The following SNX24 variants were observed in gnomAD, a reference collection of about 807,000 sequenced individuals.
The protein encoded by SNX24 is sorting nexin-24.
SNX24 carries 22 observed loss-of-function variants against 28.7 expected under a neutral mutation model. The observed-to-expected ratio is 0.77, with a 90% CI of 0.55 to 1.10. The LOEUF (loss-of-function observed/expected upper bound fraction) is 1.10. SNX24 is among the 50% of genes least tolerant of loss of function. The pLI is 0.00. For missense variants in SNX24, 221 were observed against 201.1 expected (o/e 1.10, Z -0.60); for synonymous variants, 69 against 71.5 (o/e 0.96, Z 0.18).
intron 1 of SNX24, among the ~76,000 whole-genome samples, chr5:122,915,728 C>G (rs1277667111): frequency 2.6e-5 from 4 of 152,212 alleles, no homozygotes; most frequent in Admixed American, 2.0e-4. Flanking sequence ...AAAAGCTGGT[C>G]TTTAGTGTGG....
chr5:122,995,832 G>C (rs1762034153), intron 3 of SNX24, among the ~76,000 whole-genome samples: 1 of 152,064 alleles, frequency 6.6e-6, no homozygotes, highest in Non-Finnish European at 1.5e-5. Context: ...AGAGTCACTG[G>C]GTAATTAAGT....
At chr5:122,924,263 A>C (rs894725631) in intron 1 of SNX24, among the ~76,000 whole-genome samples, 6 of 152,234 alleles carry the variant, frequency 3.9e-5, no homozygotes, top group Admixed American at 3.9e-4. Context: ...ATAAAATAAA[A>C]AATTATAGCA....
rs1219326928 is a variant in SNX24 at position 122,938,661 on chromosome 5, C to CTAAGAAGGGTTGAAATGGGT, written c.144+1844_144+1845insTAAGAAGGGTTGAAATGGGT. Among the ~76,000 whole-genome samples, 123 of 19,868 alleles carry CTAAGAAGGGTTGAAATGGGT rather than the reference C, an allele frequency of 6.2e-3. 4 individuals are homozygous for CTAAGAAGGGTTGAAATGGGT. Among genetic ancestry groups the CTAAGAAGGGTTGAAATGGGT allele is most frequent in the South Asian group, 0.013 (5 of 380 alleles). 13.0% of individuals were successfully genotyped at this position (19,868 alleles called of 152,430 possible). A position where few individuals can be genotyped will look rare whatever the true frequency, so the allele number is the denominator to read the frequency against. On this transcript the variant is annotated intron_variant, in intron 2 of 6. Coordinates refer to ENST00000261369, the MANE Select transcript of SNX24 (RefSeq NM_014035.4). ...AGGTAACTTTAAAAGGCAATGAAGG[C>CTAAGAAGGGTTGAAATGGGT]CGGGCGCGGTGGCTCACGCCTGTAA...
At chr5:122,865,829 A>G (rs571456300) in intron 1 of SNX24, among the ~76,000 whole-genome samples, 1 of 152,252 alleles carries the variant, frequency 6.6e-6, no homozygotes, top group African/African-American at 2.4e-5. Context: ...TCATAATTCT[A>G]CCTCACATGA....
At chr5:122,935,364 A>G (rs1285023866) in intron 1 of SNX24, among the ~76,000 whole-genome samples, 1 of 152,140 alleles carries the variant, frequency 6.6e-6, no homozygotes, top group East Asian at 1.9e-4. Flanking sequence ...ATTAATAAAC[A>G]GATTTTTTTT....
intron 1 of SNX24, among the ~76,000 whole-genome samples, chr5:122,850,001 G>T (rs1754821461): frequency 6.6e-6 from 1 of 152,156 alleles, no homozygotes. Context: ...GAATAGTGGG[G>T]AGAGATCAGC....
chr5:122,971,346 A>G (rs1295604744), intron 3 of SNX24, among the ~76,000 whole-genome samples: 1 of 152,092 alleles, frequency 6.6e-6, no homozygotes. Flanking sequence ...CTCCCAGTCC[A>G]CTGACTCAAA....
chr5:123,015,526 C>A (rs554754202), intron 5 of SNX24, among the ~76,000 whole-genome samples: 1 of 152,228 alleles, frequency 6.6e-6, no homozygotes, highest in East Asian at 1.9e-4. Flanking sequence ...TCGTGACACC[C>A]CAGGACAGTG....
chr5:123,018,030 C>T (rs57182281), intron 5 of SNX24, among the ~76,000 whole-genome samples: 53,062 of 151,544 alleles, frequency 0.35, 9,958 homozygotes, highest in African/African-American at 0.46. Flanking sequence ...TAGAGAGGAG[C>T]TTCCAGTCCA....
chr5:122,901,233 A>G (rs1266808897), intron 1 of SNX24, among the ~76,000 whole-genome samples: 3 of 151,450 alleles, frequency 2.0e-5, no homozygotes, highest in African/African-American at 4.8e-5. Flanking sequence ...TATTGCTCAT[A>G]TTTATGATGA....
intron 1 of SNX24, among the ~76,000 whole-genome samples, chr5:122,870,374 C>T (rs1755918300): frequency 6.6e-6 from 1 of 152,210 alleles, no homozygotes; most frequent in Admixed American, 6.5e-5. Flanking sequence ...AACAGAGCTG[C>T]TCTCCAGAAC....
At chr5:122,862,094 A>G (rs552211592) in intron 1 of SNX24, among the ~76,000 whole-genome samples, 3 of 152,308 alleles carry the variant, frequency 2.0e-5, no homozygotes, top group African/African-American at 7.2e-5. Context: ...AGGGAGGGAA[A>G]TCATTTTAGG....
chr5:122,891,216 G>A lies in SNX24; in HGVS notation c.61-45518G>A, dbSNP rs187182453. On this transcript the variant is annotated intron_variant, in intron 1 of 6. Transcript: ENST00000261369. ...TTATTTTTCTGGTTGAAATGGTTTA[G>A]GAATGTTGACTTTAAAGTGCCTATT... is the stretch of plus-strand genomic sequence containing the variant. 94 of 1,278,112 alleles carry A rather than the reference G, an allele frequency of 7.4e-5. No individual in the cohort carries two copies. In the African/African-American group the frequency reaches 1.3e-3, roughly 18 times the overall value. 79.2% of individuals were successfully genotyped at this position (1,278,112 alleles called of 1,614,324 possible). A position where few individuals can be genotyped will look rare whatever the true frequency, so the allele number is the denominator to read the frequency against.
At chr5:123,017,222 T>C (rs1052147849) in intron 5 of SNX24, among the ~76,000 whole-genome samples, 1 of 152,000 alleles carries the variant, frequency 6.6e-6, no homozygotes, top group Non-Finnish European at 1.5e-5. Flanking sequence ...GATTCGAATT[T>C]AATGGTTTGC....
intron 3 of SNX24, among the ~76,000 whole-genome samples, chr5:122,963,979 A>G (rs1760598128): frequency 1.3e-5 from 2 of 152,178 alleles, no homozygotes; most frequent in Non-Finnish European, 2.9e-5. Flanking sequence ...GCGATGGCTC[A>G]TGCCTGTAAT....
At chr5:122,919,989 G>A (rs1395031812) in intron 1 of SNX24, among the ~76,000 whole-genome samples, 1 of 152,184 alleles carries the variant, frequency 6.6e-6, no homozygotes, top group Non-Finnish European at 1.5e-5. Context: ...CTGAGAATGA[G>A]GGCAGGTGTT....
intron 6 of SNX24, among the ~76,000 whole-genome samples, chr5:123,004,303 A>G (rs1762347320): frequency 1.3e-5 from 2 of 152,134 alleles, no homozygotes; most frequent in Admixed American, 1.3e-4. Context: ...TTCCTGGGAA[A>G]CTCAAAACAA....
At chr5:122,926,972 CCCTA>C (rs1422748922) in intron 1 of SNX24, among the ~76,000 whole-genome samples, 2 of 152,200 alleles carry the variant, frequency 1.3e-5, no homozygotes, top group Non-Finnish European at 2.9e-5. Flanking sequence ...TGATCATTTT[CCCTA>C]CCTATCAACA....
chr5:122,987,978 A>C lies in SNX24; in HGVS notation c.250-11934A>C, dbSNP rs536737330. Among the ~76,000 whole-genome samples, 8 of 152,340 alleles carry C rather than the reference A, an allele frequency of 5.3e-5. No homozygotes were observed. The East Asian group carries it at 1.5e-3, about 29-fold the overall frequency. On this transcript the variant is annotated intron_variant, in intron 3 of 6. Coordinates refer to ENST00000261369, the MANE Select transcript of SNX24 (RefSeq NM_014035.4). ...AGAGAAGTTAATCATAATGTAAATAAAACCATGTAAGAAAATGTTCTCTTT... is the reference window on the plus strand; with the variant it reads ...AGAGAAGTTAATCATAATGTAAATACAACCATGTAAGAAAATGTTCTCTTT...
Sources: gnomAD v4.1 joint callset for allele counts (sites outside exome capture counted in the v4.1 genomes callset) on GRCh38, gnomAD v4.1.1 for gene constraint, MANE v1.5 for transcripts, NCBI Gene and HGNC (gene_info 2026-07-23, HGNC 2026-07-21) for gene names.